The following BMPR1B variants were observed in gnomAD, a reference collection of about 807,000 sequenced individuals.
The protein encoded by BMPR1B is bone morphogenetic protein receptor type 1B.
A neutral mutation model predicts 59.1 loss-of-function variants in BMPR1B; 12 were observed. The observed-to-expected ratio is 0.20, with a 90% confidence interval of 0.13 to 0.33. The LOEUF is 0.33. Among genes scored for constraint, BMPR1B ranks in the 10% least tolerant of loss-of-function variants. BMPR1B has a pLI of 1.00. For missense variants in BMPR1B, 550 were observed against 610.9 expected (o/e 0.90, Z 1.05); for synonymous variants, 237 against 207.3 (o/e 1.14, Z -1.23).
chr4:95,035,802 T>A (rs963102072), intron 3 of BMPR1B, among the ~76,000 whole-genome samples: 4 of 152,210 alleles, frequency 2.6e-5, no homozygotes, highest in African/African-American at 9.6e-5. Flanking sequence ...GATTGTTTTT[T>A]CTAGTTCTGT....
chr4:94,761,621 AAC>A (rs1302342780), intron 1 of BMPR1B, among the ~76,000 whole-genome samples: 1 of 152,148 alleles, frequency 6.6e-6, no homozygotes, highest in African/African-American at 2.4e-5. Context: ...AAAAAAGGCT[AAC>A]ACAGCTTTAA....
intron 2 of BMPR1B, among the ~76,000 whole-genome samples, chr4:94,986,160 A>C (rs975436700): frequency 6.6e-6 from 1 of 152,218 alleles, no homozygotes; most frequent in Non-Finnish European, 1.5e-5. Context: ...TAGTTTAATT[A>C]CTATATTGAC....
chr4:95,127,606 C>T (rs1732998577), intron 8 of BMPR1B, among the ~76,000 whole-genome samples: 1 of 151,870 alleles, frequency 6.6e-6, no homozygotes, highest in South Asian at 2.1e-4. Flanking sequence ...AGTGATTTCC[C>T]TGTGTATGAA....
At chr4:95,064,543 CAA>C in intron 3 of BMPR1B, among the ~76,000 whole-genome samples, 1 of 152,056 alleles carries the variant, frequency 6.6e-6, no homozygotes, top group Non-Finnish European at 1.5e-5. Context: ...TTTGGTGCCG[CAA>C]AGACTGAGGA....
intron 1 of BMPR1B, among the ~76,000 whole-genome samples, chr4:94,874,916 C>A (rs1232203975): frequency 6.6e-6 from 1 of 152,036 alleles, no homozygotes; most frequent in East Asian, 1.9e-4. Context: ...TGGCGTGAAC[C>A]CGGGAGGCAG....
intron 3 of BMPR1B, among the ~76,000 whole-genome samples, chr4:95,042,281 A>G (rs192925136): frequency 1.3e-3 from 203 of 152,356 alleles, no homozygotes; most frequent in Non-Finnish European, 2.4e-3. Flanking sequence ...AATAAGTGGG[A>G]GAAAATGATT....
chr4:94,809,096 T>C (rs1181428966), intron 1 of BMPR1B, among the ~76,000 whole-genome samples: 4 of 152,190 alleles, frequency 2.6e-5, no homozygotes, highest in Non-Finnish European at 4.4e-5. Context: ...TTGATTATTA[T>C]TACGGTTGGA....
At chr4:95,139,201 G>A (rs1024271345) in intron 10 of BMPR1B, among the ~76,000 whole-genome samples, 1 of 152,178 alleles carries the variant, frequency 6.6e-6, no homozygotes, top group Non-Finnish European at 1.5e-5. Context: ...GTTTGCCTGG[G>A]TATCACCAGC....
At chr4:95,134,307 A>G (rs1050356169) in intron 10 of BMPR1B, among the ~76,000 whole-genome samples, 12 of 152,066 alleles carry the variant, frequency 7.9e-5, no homozygotes, top group African/African-American at 2.7e-4. Flanking sequence ...AGTCTTTGCT[A>G]TTGTGAATAG....
chr4:95,002,714 A>G (rs991264261), intron 3 of BMPR1B, among the ~76,000 whole-genome samples: 5 of 152,160 alleles, frequency 3.3e-5, no homozygotes, highest in Admixed American at 6.5e-5. Flanking sequence ...TTCTCCATCA[A>G]TAAAAAAGCC....
At chr4:94,941,218 T>G (rs1384105874) in intron 2 of BMPR1B, among the ~76,000 whole-genome samples, 3 of 151,996 alleles carry the variant, frequency 2.0e-5, no homozygotes, top group Non-Finnish European at 4.4e-5. Flanking sequence ...TCACTTGAGT[T>G]CAGGAGTTTG....
At chr4:95,054,317 C>A (rs1012610760) in intron 3 of BMPR1B, among the ~76,000 whole-genome samples, 2 of 152,076 alleles carry the variant, frequency 1.3e-5, no homozygotes, top group Non-Finnish European at 2.9e-5. Context: ...GACTCATCAA[C>A]CTAAATCTTA....
intron 1 of BMPR1B, among the ~76,000 whole-genome samples, chr4:94,839,461 A>C (rs955473256): frequency 5.4e-5 from 8 of 147,746 alleles, no homozygotes; most frequent in African/African-American, 2.0e-4. Context: ...GGGTGCATAT[A>C]TATTTAGGAT....
intron 2 of BMPR1B, among the ~76,000 whole-genome samples, chr4:94,956,013 A>C (rs1051330339): frequency 1.3e-5 from 2 of 152,202 alleles, no homozygotes; most frequent in African/African-American, 2.4e-5. Flanking sequence ...AGATGTTGCC[A>C]ATAGATTTTA....
At chr4:95,134,348 T>G (rs1487520682) in intron 10 of BMPR1B, among the ~76,000 whole-genome samples, 1 of 152,238 alleles carries the variant, frequency 6.6e-6, no homozygotes, top group East Asian at 1.9e-4. Flanking sequence ...TGTGTCTTTA[T>G]AGCAGCATGA....
chr4:94,907,262 G>A (rs916320383), intron 2 of BMPR1B, among the ~76,000 whole-genome samples: 6 of 152,006 alleles, frequency 3.9e-5, no homozygotes, highest in African/African-American at 1.2e-4. Context: ...CTAGAAATAC[G>A]TCATTGGCAA....
chr4:94,975,582 C>T (rs764367384), intron 2 of BMPR1B, among the ~76,000 whole-genome samples: 1 of 151,366 alleles, frequency 6.6e-6, no homozygotes, highest in Non-Finnish European at 1.5e-5. Context: ...TGTTGCCATT[C>T]ACCATGTTGC....
intron 1 of BMPR1B, among the ~76,000 whole-genome samples, chr4:94,808,319 A>G (rs1266870288): frequency 6.6e-6 from 1 of 152,172 alleles, no homozygotes; most frequent in Non-Finnish European, 1.5e-5. Context: ...ATTTTAGTCT[A>G]TACCTTTTTC....
chr4:94,962,068 T>TCCTTCC lies in BMPR1B; in HGVS notation c.-112-33972_-112-33971insCCTTCC, dbSNP rs1560569088. On this transcript the variant is annotated intron_variant, in intron 2 of 12. Coordinates refer to ENST00000515059, the MANE Select transcript of BMPR1B (RefSeq NM_001203.3). ...TTCTTTCTTTCTTTCTTTTCTTTCTTTTCTTTCCTTCCTTCCTTCCTTCCT... is the reference window on the plus strand; with the variant it reads ...TTCTTTCTTTCTTTCTTTTCTTTCTTCCTTCCTTCTTTCCTTCCTTCCTTCCTTCCT... 2.2e-3 allele frequency among the ~76,000 whole-genome samples: 274 copies of TCCTTCC among 126,814 alleles called. 1 individual carries two copies. The highest frequency in any genetic ancestry group is 5.4e-3 in the African/African-American group (147 of 27,224). The allele number at this position is 126,814 out of a possible 152,430, so 83.2% of individuals were successfully genotyped here.
Sources: allele counts gnomAD v4.1 joint callset (sites outside exome capture counted in the v4.1 genomes callset), GRCh38; gene constraint gnomAD v4.1.1; transcripts MANE v1.5; gene names NCBI Gene and HGNC (gene_info 2026-07-23, HGNC 2026-07-21).